Variants in CALN1 observed in about 807,000 individuals in gnomAD.
CALN1 encodes calcium-binding protein 8.
Under a neutral mutation model 30.6 loss-of-function variants are expected in CALN1, and 17 were observed. The observed-to-expected ratio is 0.56, with a 90% CI of 0.38 to 0.83. The LOEUF is 0.83. CALN1 is among the 40% of genes least tolerant of loss of function. The pLI, the probability that CALN1 is intolerant of heterozygous loss-of-function variation, is 0.00. For synonymous variants in CALN1, 156 were observed against 131.4 expected, an observed-to-expected ratio of 1.19 and a Z score of -1.28; for missense variants, 291 against 354.9, an observed-to-expected ratio of 0.82 and a Z score of 1.45.
chr7:71,906,126 T>G (rs973426456), intron 5 of CALN1, among the ~76,000 whole-genome samples: 2 of 152,184 alleles, frequency 1.3e-5, no homozygotes, highest in African/African-American at 2.4e-5. Flanking sequence ...AAGATGAGAT[T>G]TGGGTAGGGA....
At chr7:71,877,673 G>T (rs1792329107) in intron 5 of CALN1, among the ~76,000 whole-genome samples, 1 of 149,612 alleles carries the variant, frequency 6.7e-6, no homozygotes, top group African/African-American at 2.5e-5. Context: ...AAGACATTTT[G>T]TATTCTCAGA....
At chr7:72,066,039 A>G (rs1803999423) in intron 4 of CALN1, among the ~76,000 whole-genome samples, 1 of 152,242 alleles carries the variant, frequency 6.6e-6, no homozygotes, top group Non-Finnish European at 1.5e-5. Flanking sequence ...TCCACATCCA[A>G]GCTCAAGTCT....
chr7:72,362,046 A>T (rs930563068), intron 2 of CALN1, among the ~76,000 whole-genome samples: 7 of 152,206 alleles, frequency 4.6e-5, no homozygotes, highest in African/African-American at 1.7e-4. Flanking sequence ...TTATCTTGGT[A>T]AATAGCATAT....
At chr7:72,332,852 C>T (rs1233618987) in intron 2 of CALN1, among the ~76,000 whole-genome samples, 1 of 152,148 alleles carries the variant, frequency 6.6e-6, no homozygotes, top group African/African-American at 2.4e-5. Flanking sequence ...TCAGCCTTGT[C>T]CGGCTTTCAG....
At chr7:72,283,456 G>A (rs531470884) in intron 2 of CALN1, among the ~76,000 whole-genome samples, 4 of 152,162 alleles carry the variant, frequency 2.6e-5, no homozygotes, top group African/African-American at 9.7e-5. Context: ...GATCATGTGA[G>A]CACAGTAATT....
At chr7:72,453,988 C>CAA in the CALN1 span, among the ~76,000 whole-genome samples, 7,376 of 146,166 alleles carry the variant, frequency 0.05, 580 homozygotes, top group African/African-American at 0.18. Flanking sequence ...AATTCACAAC[C>CAA]AAAAAATATA....
rs1787887650 is a variant in CALN1 at position 72,158,606 on chromosome 7, G to T, written c.245-52312C>A. Among the ~76,000 whole-genome samples, 4 of 152,256 alleles carry T rather than the reference G, an allele frequency of 2.6e-5. No homozygotes were observed. The South Asian group carries it at 8.3e-4, about 32-fold the overall frequency. On this transcript the variant is annotated intron_variant, in intron 3 of 6. Transcript: ENST00000395275. ...GTAAGGCTACAGAGGGCCCTCATGG[G>T]TAGGCTTTCCTTCCCCGTAAAGAGT...
At chr7:71,790,322 GA>G (rs1192625337) in intron 6 of CALN1, among the ~76,000 whole-genome samples, 10 of 134,360 alleles carry the variant, frequency 7.4e-5, no homozygotes, top group South Asian at 7.0e-4. Context: ...AAGAAAGAAA[GA>G]AAGAAGGAAA....
chr7:71,941,525 A>G (rs1796130257), intron 5 of CALN1, among the ~76,000 whole-genome samples: 2 of 152,174 alleles, frequency 1.3e-5, no homozygotes, highest in South Asian at 4.1e-4. Flanking sequence ...ATTCACAGAA[A>G]GGTAAACCCA....
At chr7:72,462,609 A>T in the CALN1 span, among the ~76,000 whole-genome samples, 1 of 152,094 alleles carries the variant, frequency 6.6e-6, no homozygotes, top group African/African-American at 2.4e-5. Flanking sequence ...GGCTGGGGGG[A>T]CAATGACAAA....
chr7:71,904,138 T>C (rs1794005385), intron 5 of CALN1, among the ~76,000 whole-genome samples: 2 of 152,208 alleles, frequency 1.3e-5, no homozygotes, highest in South Asian at 2.1e-4. Flanking sequence ...GCAAACATTA[T>C]GGAGGTTCCT....
chr7:72,200,125 G>C (rs1037346367), intron 3 of CALN1, among the ~76,000 whole-genome samples: 1 of 152,000 alleles, frequency 6.6e-6, no homozygotes, highest in African/African-American at 2.4e-5. Context: ...TTGATGCCCC[G>C]ACAAATCAAC....
intron 5 of CALN1, among the ~76,000 whole-genome samples, chr7:72,012,453 A>G (rs1800134384): frequency 6.6e-6 from 1 of 152,222 alleles, no homozygotes; most frequent in Non-Finnish European, 1.5e-5. Flanking sequence ...CGGAGGGTGC[A>G]GTGAGCCGAG....
At chr7:71,908,989 A>G (rs1794286697) in intron 5 of CALN1, among the ~76,000 whole-genome samples, 1 of 152,184 alleles carries the variant, frequency 6.6e-6, no homozygotes, top group African/African-American at 2.4e-5. Flanking sequence ...TATAACCTTA[A>G]TGACTTCTCC....
intron 3 of CALN1, among the ~76,000 whole-genome samples, chr7:72,270,964 G>T (rs531003110): frequency 6.6e-6 from 1 of 152,200 alleles, no homozygotes; most frequent in South Asian, 2.1e-4. Context: ...ATACCAATGT[G>T]GTCAGAGAGG....
rs915803742 is a variant in CALN1 at position 72,055,502 on chromosome 7, C to CA, written c.389-31734dup. Among the ~76,000 whole-genome samples, 31 of 150,448 alleles carry CA rather than the reference C, an allele frequency of 2.1e-4. No individual in the cohort carries two copies. In the South Asian group the frequency reaches 2.1e-3, roughly 10 times the overall value. ...CAAATAGATATGGTAATCATCGTTG[C>CA]AAAAAAAAGAGGATTCTTTGAGAAA... On this transcript the variant is annotated intron_variant, in intron 4 of 6. Transcript: ENST00000395275.
upstream of CALN1, among the ~76,000 whole-genome samples, chr7:72,412,757 C>G (rs1807264643): frequency 1.3e-5 from 2 of 152,326 alleles, no homozygotes; most frequent in Middle Eastern, 3.4e-3. Flanking sequence ...GTCAAAGTCC[C>G]TTGCTTTCAG....
At chr7:72,497,465 C>A in the CALN1 span, among the ~76,000 whole-genome samples, 1 of 152,090 alleles carries the variant, frequency 6.6e-6, no homozygotes, top group Non-Finnish European at 1.5e-5. Flanking sequence ...ATGACAATGA[C>A]AAACTTTAGA....
intron 4 of CALN1, among the ~76,000 whole-genome samples, chr7:72,087,840 G>A (rs1293968622): frequency 2.0e-5 from 3 of 152,162 alleles, no homozygotes; most frequent in Non-Finnish European, 4.4e-5. Context: ...TTGAACAAAT[G>A]TTTTCCAGAA....
Sources: gnomAD v4.1 joint callset for allele counts (sites outside exome capture counted in the v4.1 genomes callset) on GRCh38, gnomAD v4.1.1 for gene constraint, MANE v1.5 for transcripts, NCBI Gene and HGNC (gene_info 2026-07-23, HGNC 2026-07-21) for gene names.